NF2: variants seen among roughly 807,000 people sequenced by gnomAD.
NF2 encodes merlin.
NF2 carries 8 observed loss-of-function variants against 83.7 expected under a neutral mutation model. The observed-to-expected ratio is 0.10, with a 90% CI of 0.06 to 0.17. The LOEUF is 0.17. Among genes scored for constraint, NF2 ranks in the 10% least tolerant of loss-of-function variants. The pLI is 1.00. For missense variants in NF2, 533 were observed against 744.4 expected, an observed-to-expected ratio of 0.72 and a Z score of 3.31; for synonymous variants, 266 against 269.6, an observed-to-expected ratio of 0.99 and a Z score of 0.13.
intron 12 of NF2, 22 bp downstream of exon 12, chr22:29,673,508 G>C (rs1447318902): frequency 1.9e-6 from 3 of 1,594,680 alleles, no homozygotes; most frequent in Admixed American, 3.6e-5. Flanking sequence ...CCGGGCACCA[G>C]ACTGGCGAGG....
rs1323941076 is a variant in NF2 at position 29,643,775 on chromosome 22, C to T, written c.447+1490C>T. Among the ~76,000 whole-genome samples the T allele has an allele frequency of 1.2e-4, 19 of 152,348 alleles. No individual in the cohort carries two copies. In the East Asian group the frequency reaches 2.7e-3, roughly 22 times the overall value. ...TTCTATTCCACAAAGCCGCCATTGT[C>T]ATCCTGGCCCGTTCTCAATGAGCTG... On this transcript the variant is annotated intron_variant, in intron 4 of 15. Coordinates refer to ENST00000338641, the MANE Select transcript of NF2 (RefSeq NM_000268.4).
chr22:29,691,814 G>A (rs913234031), intron 15 of NF2, among the ~76,000 whole-genome samples: 13 of 152,232 alleles, frequency 8.5e-5, no homozygotes. Context: ...ACTGCCTGAG[G>A]GCAAATGGCT....
intron 1 of NF2, among the ~76,000 whole-genome samples, chr22:29,629,053 T>TC (rs1455680773): frequency 6.6e-6 from 1 of 152,200 alleles, no homozygotes; most frequent in Non-Finnish European, 1.5e-5. Context: ...CTATTTTTTT[T>TC]CCCACACTTT....
chr22:29,687,037 T>C (rs1008170982), intron 15 of NF2, among the ~76,000 whole-genome samples: 4 of 152,198 alleles, frequency 2.6e-5, no homozygotes, highest in Non-Finnish European at 5.9e-5. Flanking sequence ...CCACCATACC[T>C]TGATGGTAGA....
chr22:29,644,748 G>A lies in NF2; in HGVS notation c.447+2463G>A, dbSNP rs59374288. ...GGCCCGGCCAACACAGCGAAACCCC[G>A]TCTCCACCAAAAAAATACGAAAACC... is the stretch of plus-strand genomic sequence containing the variant. On this transcript the variant is annotated intron_variant, in intron 4 of 15. Transcript: ENST00000338641. Among the ~76,000 whole-genome samples, 215 of 152,334 alleles carry A rather than the reference G, an allele frequency of 1.4e-3. 3 individuals carry two copies. In the South Asian group the frequency reaches 0.023, roughly 16 times the overall value.
intron 1 of NF2, among the ~76,000 whole-genome samples, chr22:29,610,240 G>C (rs909285639): frequency 1.3e-5 from 2 of 151,868 alleles, no homozygotes; most frequent in Non-Finnish European, 2.9e-5. Flanking sequence ...CAGCTACTCA[G>C]GAGGTTAAGG....
At chr22:29,683,578 T>G (rs1169604965) in intron 15 of NF2, 18 of 1,107,304 alleles carry the variant, frequency 1.6e-5, no homozygotes, top group Non-Finnish European at 2.0e-5. Context: ...CCTTTAGAGC[T>G]TTCCCTTTCT....
Position 29,696,919 on chromosome 22 carries a change from A to C in NF2, c.*2117A>C, listed in dbSNP as rs1291151697. The C allele has an allele frequency of 2.8e-5, 5 of 181,132 alleles. No homozygotes were observed. Among genetic ancestry groups the C allele is most frequent in the African/African-American group, 7.2e-5 (3 of 41,906 alleles). 11.2% of individuals were successfully genotyped at this position (181,132 alleles called of 1,614,324 possible). A position where few individuals can be genotyped will look rare whatever the true frequency, so the allele number is the denominator to read the frequency against. Reference sequence around the variant, plus strand: ...GCAACCTCCGCCTCCCAGGTACAAGAGATTCTCCTGCCTCAGCCTCCCGAG... The same window carrying C: ...GCAACCTCCGCCTCCCAGGTACAAGCGATTCTCCTGCCTCAGCCTCCCGAG... On this transcript the variant is annotated 3_prime_UTR_variant, in exon 16 of 16. Coordinates refer to ENST00000338641, the MANE Select transcript of NF2 (RefSeq NM_000268.4).
chr22:29,664,049 C>T (rs2066547719), intron 8 of NF2, among the ~76,000 whole-genome samples: 1 of 152,138 alleles, frequency 6.6e-6, no homozygotes, highest in African/African-American at 2.4e-5. Context: ...CAGCTTTTAC[C>T]AAATTATTCC....
At chr22:29,628,819 C>T (rs779208921) in intron 1 of NF2, among the ~76,000 whole-genome samples, 3 of 151,786 alleles carry the variant, frequency 2.0e-5, no homozygotes, top group African/African-American at 7.3e-5. Flanking sequence ...TTAGTAGAGA[C>T]GGGGTTTCAC....
At chr22:29,645,143 G>T (rs928886726) in intron 4 of NF2, among the ~76,000 whole-genome samples, 1 of 152,156 alleles carries the variant, frequency 6.6e-6, no homozygotes, top group African/African-American at 2.4e-5. Flanking sequence ...ACTGTCATTT[G>T]TGGGGAAAAA....
chr22:29,666,553 C>T (rs1601633474), intron 9 of NF2, among the ~76,000 whole-genome samples: 2 of 152,092 alleles, frequency 1.3e-5, no homozygotes, highest in South Asian at 2.1e-4. Flanking sequence ...GGGTGGCTCA[C>T]GCCTGTAATC....
chr22:29,625,740 T>A (rs1347700822), intron 1 of NF2, among the ~76,000 whole-genome samples: 1 of 152,266 alleles, frequency 6.6e-6, no homozygotes, highest in Non-Finnish European at 1.5e-5. Context: ...CTTGTCCTAG[T>A]GCAGGAATCT....
intron 8 of NF2, among the ~76,000 whole-genome samples, chr22:29,663,520 T>C (rs766114564): frequency 1.3e-5 from 2 of 152,264 alleles, no homozygotes; most frequent in African/African-American, 2.4e-5. Context: ...ATTCTTTGTG[T>C]ACGCCCTGGC....
intron 15 of NF2, chr22:29,684,255 G>A (rs1219284463): frequency 6.6e-6 from 1 of 152,420 alleles, no homozygotes; most frequent in African/African-American, 2.4e-5. Flanking sequence ...ATCCTTGTTG[G>A]CATTGATACC....
intron 15 of NF2, among the ~76,000 whole-genome samples, chr22:29,684,711 T>C (rs2067230445): frequency 6.6e-6 from 1 of 152,190 alleles, no homozygotes; most frequent in South Asian, 2.1e-4. Flanking sequence ...AACACTCGGG[T>C]TAATCAAGGG....
chr22:29,604,519 A>G (rs1031622108), intron 1 of NF2, among the ~76,000 whole-genome samples: 8 of 152,148 alleles, frequency 5.3e-5, no homozygotes, highest in East Asian at 3.9e-4. Context: ...ATATTCTGGG[A>G]AAAAAAACCC....
intron 5 of NF2, among the ~76,000 whole-genome samples, chr22:29,655,319 G>A (rs757626434): frequency 6.6e-6 from 1 of 152,158 alleles, no homozygotes; most frequent in Non-Finnish European, 1.5e-5. Flanking sequence ...CGCTGTCAGA[G>A]GTGGTCTCTG....
At chr22:29,626,297 G>A (rs979749056) in intron 1 of NF2, among the ~76,000 whole-genome samples, 3 of 151,918 alleles carry the variant, frequency 2.0e-5, no homozygotes, top group Non-Finnish European at 4.4e-5. Context: ...GGGACTACAG[G>A]TGCTTGCTAC....
Sources: gnomAD v4.1 joint callset for allele counts (sites outside exome capture counted in the v4.1 genomes callset) on GRCh38, gnomAD v4.1.1 for gene constraint, MANE v1.5 for transcripts, NCBI Gene and HGNC (gene_info 2026-07-23, HGNC 2026-07-21) for gene names.